The following SMIM35 variants were observed in gnomAD, a reference collection of about 807,000 sequenced individuals.
SMIM35 encodes the protein small integral membrane protein 35, also known as TMPRSS4 antisense RNA 1 (non-protein coding).
intron 1 of SMIM35, among the ~76,000 whole-genome samples, chr11:118,068,814 C>T (rs11602569): frequency 2.5e-4 from 38 of 152,216 alleles, no homozygotes; most frequent in Non-Finnish European, 4.7e-4. Context: ...TTCTCGGCCA[C>T]CCCACAGAGG....
intron 1 of SMIM35, among the ~76,000 whole-genome samples, chr11:118,071,931 A>G (rs1452540202): frequency 6.6e-6 from 1 of 152,176 alleles, no homozygotes; most frequent in Non-Finnish European, 1.5e-5. Context: ...TGCTGGGTCC[A>G]TGGGCACACA....
intron 1 of SMIM35, among the ~76,000 whole-genome samples, chr11:118,084,499 T>C (rs1945393605): frequency 6.6e-6 from 1 of 152,228 alleles, no homozygotes; most frequent in African/African-American, 2.4e-5. Flanking sequence ...TAGGAGTCAC[T>C]GAAACCTGTG....
intron 4 of SMIM35, among the ~76,000 whole-genome samples, chr11:118,007,768 C>G (rs2058129461): frequency 6.6e-6 from 1 of 152,136 alleles, no homozygotes. Context: ...ACCGCATCCT[C>G]CTGATTAGGG....
At chr11:118,060,156 C>T (rs568694743) in intron 1 of SMIM35, among the ~76,000 whole-genome samples, 35 of 152,264 alleles carry the variant, frequency 2.3e-4, no homozygotes, top group South Asian at 4.1e-4. Context: ...TCCCTCAAGC[C>T]GTATCTACTC....
intron 1 of SMIM35, among the ~76,000 whole-genome samples, chr11:118,066,959 A>T (rs1251889324): frequency 6.6e-6 from 1 of 151,926 alleles, no homozygotes; most frequent in Non-Finnish European, 1.5e-5. Flanking sequence ...CGAATAGGGG[A>T]GCAAGAGCCT....
chr11:118,022,365 TA>T (rs1428569406), intron 1 of SMIM35, among the ~76,000 whole-genome samples: 1 of 152,108 alleles, frequency 6.6e-6, no homozygotes, highest in African/African-American at 2.4e-5. Flanking sequence ...TAAGTCTTAG[TA>T]AGTAAATCTC....
At chr11:118,052,520 A>T (rs1359648611) in intron 1 of SMIM35, among the ~76,000 whole-genome samples, 1 of 152,058 alleles carries the variant, frequency 6.6e-6, no homozygotes, top group Non-Finnish European at 1.5e-5. Flanking sequence ...ATAATTTTGT[A>T]TTCTTCATCT....
intron 4 of SMIM35, among the ~76,000 whole-genome samples, chr11:118,010,291 C>T (rs1198298051): frequency 6.6e-6 from 1 of 152,214 alleles, no homozygotes; most frequent in East Asian, 1.9e-4. Context: ...CCTCCTGGCT[C>T]CTGGCACCTG....
At chr11:118,077,443 C>G (rs1174837496) in intron 1 of SMIM35, 1 of 1,001,790 alleles carries the variant, frequency 1.0e-6, no homozygotes, top group Admixed American at 2.9e-5. Flanking sequence ...ACACCCAAAT[C>G]CCCTCACACC....
intron 1 of SMIM35, among the ~76,000 whole-genome samples, chr11:118,047,691 G>A (rs980227878): frequency 1.3e-5 from 2 of 152,226 alleles, no homozygotes; most frequent in African/African-American, 2.4e-5. Context: ...CATGGACAGA[G>A]AAGCAAATAA....
intron 1 of SMIM35, among the ~76,000 whole-genome samples, chr11:118,039,004 G>A (rs1456486606): frequency 1.3e-5 from 2 of 152,106 alleles, no homozygotes; most frequent in Non-Finnish European, 2.9e-5. Flanking sequence ...AGAAGCAGGA[G>A]AGATAAACAG....
intron 1 of SMIM35, among the ~76,000 whole-genome samples, chr11:118,066,870 T>G (rs1944481885): frequency 6.6e-6 from 1 of 152,054 alleles, no homozygotes; most frequent in Non-Finnish European, 1.5e-5. Flanking sequence ...CTGGATTTTT[T>G]TTTTTGCCAG....
In SMIM35 at chr11:118,034,232, C is replaced by A. The variant is rs751806060; in HGVS notation, c.8-18423G>T. Among the ~76,000 whole-genome samples the A allele has an allele frequency of 2.1e-4, 32 of 152,252 alleles. No homozygotes were observed. The Middle Eastern group carries it at 0.01, about 49-fold the overall frequency. On this transcript the variant is annotated intron_variant, in intron 1 of 4. Transcript: ENST00000689828. Reference sequence around the variant, plus strand: ...AGGTTGCAGTGATCTGAGATCGTGCCATTCATTGCACTCCAGGCTGGGCAA... The same window carrying A: ...AGGTTGCAGTGATCTGAGATCGTGCAATTCATTGCACTCCAGGCTGGGCAA...
chr11:118,027,246 C>G (rs1033535104), intron 1 of SMIM35, among the ~76,000 whole-genome samples: 1 of 149,860 alleles, frequency 6.7e-6, no homozygotes, highest in Admixed American at 6.6e-5. Flanking sequence ...CCAGGATGGT[C>G]TCGATCTCCT....
chr11:118,084,639 T>C (rs1945403853), intron 1 of SMIM35, among the ~76,000 whole-genome samples: 1 of 152,216 alleles, frequency 6.6e-6, no homozygotes, highest in Non-Finnish European at 1.5e-5. Context: ...TGAACATGTG[T>C]GGAGTTCTGC....
At chr11:118,014,571 C>G in intron 3 of SMIM35, 137 bp downstream of exon 3, 1 of 397,242 alleles carries the variant, frequency 2.5e-6, no homozygotes. Context: ...ATTCTCGTGC[C>G]CTTCTTTTAT....
chr11:118,018,592 G>A (rs1458039396), intron 1 of SMIM35, among the ~76,000 whole-genome samples: 1 of 152,192 alleles, frequency 6.6e-6, no homozygotes, highest in African/African-American at 2.4e-5. Flanking sequence ...TACTGGTGGT[G>A]TTTGTGGAAG....
chr11:118,079,985 C>T (rs1452150795), intron 1 of SMIM35, among the ~76,000 whole-genome samples: 1 of 152,132 alleles, frequency 6.6e-6, no homozygotes, highest in African/African-American at 2.4e-5. Flanking sequence ...GGTGACAGGG[C>T]CTGGTGTCAC....
intron 1 of SMIM35, among the ~76,000 whole-genome samples, chr11:118,054,951 G>T (rs1023262061): frequency 1.3e-5 from 2 of 151,858 alleles, no homozygotes; most frequent in African/African-American, 2.4e-5. Flanking sequence ...TTACAGGTGC[G>T]CGCCACCATG....
Sources: gnomAD v4.1 joint callset for allele counts (sites outside exome capture counted in the v4.1 genomes callset) on GRCh38, gnomAD v4.1.1 for gene constraint, MANE v1.5 for transcripts, NCBI Gene and HGNC (gene_info 2026-07-23, HGNC 2026-07-21) for gene names.